The following ROR1 variants were observed in gnomAD, a reference collection of about 807,000 sequenced individuals.
The protein encoded by ROR1 is inactive tyrosine-protein kinase transmembrane receptor ROR1.
Under a neutral mutation model 78.8 loss-of-function variants are expected in ROR1, and 19 were observed. The ratio of observed to expected loss-of-function variants is 0.24; its 90% CI spans 0.17 to 0.35. The LOEUF (loss-of-function observed/expected upper bound fraction) is 0.35. Among genes scored for constraint, ROR1 ranks in the 10% least tolerant of loss-of-function variants. The probability of loss-of-function intolerance (pLI) is 1.00; values close to 1 mark genes in which losing one functional copy is unlikely to be tolerated. For synonymous variants in ROR1, 386 were observed against 433.6 expected (o/e 0.89, Z 1.36); for missense variants, 917 against 1,177.8 (o/e 0.78, Z 3.24).
intron 1 of ROR1, among the ~76,000 whole-genome samples, chr1:63,815,560 A>T (rs899222166): frequency 7.0e-6 from 1 of 143,544 alleles, no homozygotes; most frequent in African/African-American, 2.6e-5. Flanking sequence ...TTGCTTGTGT[A>T]TGAAGATAAA....
At chr1:63,872,947 A>G (rs2100361834) in intron 1 of ROR1, among the ~76,000 whole-genome samples, 1 of 152,172 alleles carries the variant, frequency 6.6e-6, no homozygotes, top group East Asian at 1.9e-4. Context: ...AAAGAAGGAC[A>G]GTGAGAGGGT....
chr1:63,869,700 G>T (rs1217921055), intron 1 of ROR1, among the ~76,000 whole-genome samples: 1 of 152,294 alleles, frequency 6.6e-6, no homozygotes, highest in East Asian at 1.9e-4. Context: ...CTTTGTCTGA[G>T]TTGCAAAACA....
At chr1:63,821,136 G>A (rs894163474) in intron 1 of ROR1, among the ~76,000 whole-genome samples, 1 of 152,182 alleles carries the variant, frequency 6.6e-6, no homozygotes, top group Non-Finnish European at 1.5e-5. Flanking sequence ...TGAATTAAGT[G>A]TTCACATTGT....
intron 1 of ROR1, among the ~76,000 whole-genome samples, chr1:63,902,569 C>T (rs1174561466): frequency 6.6e-6 from 1 of 152,106 alleles, no homozygotes; most frequent in Non-Finnish European, 1.5e-5. Flanking sequence ...AGCAGTCCTC[C>T]TGCCTCAGCC....
rs34238826 is a variant in ROR1 at position 63,782,557 on chromosome 1, G to GT, written c.91+8060dup. Among the ~76,000 whole-genome samples, 297 of 76,738 alleles carry GT rather than the reference G, an allele frequency of 3.9e-3. 1 individual carries two copies. The highest frequency in any genetic ancestry group is 9.6e-3 in the East Asian group (31 of 3,238). The allele number at this position is 76,738 out of a possible 152,430, so 50.3% of individuals were successfully genotyped here. ...TGAGATTTTGAGGTTTTTTTTTTTT[G>GT]TTTTTTTTTTTGTTACAGCTGCTAA... On this transcript the variant is annotated intron_variant, in intron 1 of 8. Transcript: ENST00000371079.
intron 4 of ROR1, among the ~76,000 whole-genome samples, chr1:64,059,534 C>T (rs1463889864): frequency 5.3e-5 from 8 of 152,084 alleles, no homozygotes; most frequent in African/African-American, 1.4e-4. Context: ...CATGGTGAAA[C>T]CCTGTCTCTA....
intron 1 of ROR1, among the ~76,000 whole-genome samples, chr1:63,960,010 T>G (rs1646015300): frequency 1.3e-5 from 2 of 152,214 alleles, no homozygotes; most frequent in Non-Finnish European, 2.9e-5. Context: ...ACTATCCGCT[T>G]TTGATGTCAC....
intron 2 of ROR1, among the ~76,000 whole-genome samples, chr1:64,049,108 T>C (rs1462796150): frequency 6.6e-6 from 1 of 152,212 alleles, no homozygotes; most frequent in Non-Finnish European, 1.5e-5. Context: ...ATCAGTAATA[T>C]TATGGAAATG....
intron 7 of ROR1, among the ~76,000 whole-genome samples, chr1:64,156,226 C>T (rs1472894649): frequency 1.3e-5 from 2 of 152,174 alleles, no homozygotes; most frequent in Non-Finnish European, 2.9e-5. Context: ...CTTGGAGTGG[C>T]AAAGGGCCTA....
chr1:64,178,843 T>C lies in ROR1; in HGVS notation c.2802T>C (p.Ser934=). Reference sequence around the variant, plus strand: ...ATGGACACACCGAATCTATGATTTCTGCAGAACTGTAAAATGCACAACTTT... The same window carrying C: ...ATGGACACACCGAATCTATGATTTCCGCAGAACTGTAAAATGCACAACTTT... ...NIHGHTESMI[S]AEL is the part of the protein sequence containing the mutation. The change falls in exon 9 of 9, where the codon TCT becomes TCC. Residue 934 remains serine, a synonymous_variant. Transcript: ENST00000371079. This position sits in a 1 kb window ranked among gnomAD's most constrained non-coding sequence, Gnocchi z 4.3. 6.2e-7 allele frequency: 1 copy of C among 1,612,274 alleles called. No homozygotes were observed. Among genetic ancestry groups the C allele is most frequent in the Non-Finnish European group, 8.5e-7 (1 of 1,178,956 alleles).
At chr1:63,798,378 A>G (rs1478135724) in intron 1 of ROR1, among the ~76,000 whole-genome samples, 1 of 152,194 alleles carries the variant, frequency 6.6e-6, no homozygotes, top group Non-Finnish European at 1.5e-5. Flanking sequence ...AGAATAATCT[A>G]GAACAGGACC....
chr1:64,108,087 TGTGTGTG>T (rs1647905426), intron 4 of ROR1, among the ~76,000 whole-genome samples: 1 of 151,530 alleles, frequency 6.6e-6, no homozygotes, highest in African/African-American at 2.4e-5. Flanking sequence ...TGTGTGTGTG[TGTGTGTG>T]TGTGTTTAAA....
rs139755121 is a variant in ROR1, at chr1:63,886,423, G to A, written c.91+111915G>A. On this transcript the variant is annotated intron_variant, in intron 1 of 8. Transcript: ENST00000371079. ...TCTTAGCACAAACATTCTTGTTCTT[G>A]GGCCCTGGTATTATGGATATTATAC... Among the ~76,000 whole-genome samples the A allele has an allele frequency of 5.8e-3, 884 of 152,224 alleles. 12 individuals are homozygous for A. Among genetic ancestry groups the A allele is most frequent in the African/African-American group, 0.02 (830 of 41,548 alleles).
intron 1 of ROR1, chr1:63,843,714 T>C: frequency 2.1e-6 from 1 of 474,522 alleles, no homozygotes; most frequent in South Asian, 1.9e-5. Flanking sequence ...GGAGAGGGCA[T>C]GGAGAGCCGC....
intron 1 of ROR1, among the ~76,000 whole-genome samples, chr1:64,009,060 C>T (rs896505966): frequency 2.0e-5 from 3 of 152,022 alleles, no homozygotes; most frequent in Non-Finnish European, 2.9e-5. Flanking sequence ...AATTTTCAAG[C>T]CAGTGTTTTG....
At chr1:64,122,919 G>C (rs1309394376) in intron 4 of ROR1, among the ~76,000 whole-genome samples, 1 of 152,140 alleles carries the variant, frequency 6.6e-6, no homozygotes, top group Non-Finnish European at 1.5e-5. Flanking sequence ...GTTGAAGTTT[G>C]ACCAGTAAGA....
chr1:63,986,834 C>T (rs891645829), intron 1 of ROR1, among the ~76,000 whole-genome samples: 3 of 150,502 alleles, frequency 2.0e-5, no homozygotes, highest in Admixed American at 1.3e-4. Context: ...GAGGTCATGG[C>T]GGCAACAAGC....
At chr1:63,839,905 A>G (rs916306617) in intron 1 of ROR1, among the ~76,000 whole-genome samples, 3 of 152,302 alleles carry the variant, frequency 2.0e-5, no homozygotes, top group Admixed American at 1.3e-4. Flanking sequence ...TTTGATGAAA[A>G]TCCAAGGTGG....
At chr1:64,074,717 G>A (rs2100622369) in intron 4 of ROR1, among the ~76,000 whole-genome samples, 1 of 152,312 alleles carries the variant, frequency 6.6e-6, no homozygotes, top group Non-Finnish European at 1.5e-5. Flanking sequence ...TACCAGTTTG[G>A]GCAAGTATAT....
Sources: gnomAD v4.1 joint callset for allele counts (sites outside exome capture counted in the v4.1 genomes callset) on GRCh38, gnomAD v4.1.1 for gene constraint, Gnocchi (gnomAD v3.1) non-coding constraint, MANE v1.5 for transcripts, NCBI Gene and HGNC (gene_info 2026-07-23, HGNC 2026-07-21) for gene names.